Variants in CCDC88A observed in about 807,000 individuals in gnomAD.
CCDC88A encodes coiled-coil and HOOK domain protein 88A.
A neutral mutation model predicts 234.3 loss-of-function variants in CCDC88A; 54 were observed. That is an observed-to-expected ratio of 0.23 (90% CI 0.19 to 0.29). The LOEUF is 0.29. Among genes scored for constraint, CCDC88A ranks in the 10% least tolerant of loss-of-function variants. The pLI is 1.00. For missense variants in CCDC88A, 1,832 were observed against 2,123.4 expected, an observed-to-expected ratio of 0.86 and a Z score of 2.70; for synonymous variants, 753 against 737.8, an observed-to-expected ratio of 1.02 and a Z score of -0.33.
At chr2:55,353,650 A>C (rs1250368147) in intron 8 of CCDC88A, among the ~76,000 whole-genome samples, 1 of 41,028 alleles carries the variant, frequency 2.4e-5, no homozygotes, top group African/African-American at 2.5e-4. Flanking sequence ...AAACCAAACC[A>C]AAAAAAAAAA....
At position 55,317,856 on chromosome 2, in the gene CCDC88A, A is replaced by G; in HGVS notation, c.3325-15T>C. ...GAATTTTCAACCTATAAGAATATAT[A>G]TTGTTATCAGACATAAGAAAAACAG... On this transcript the variant is annotated splice_polypyrimidine_tract_variant and intron_variant, in intron 19 of 32. Transcript: ENST00000436346. The surrounding 1 kb of genome is among the most constrained non-coding windows in gnomAD (Gnocchi z 4.2). 1 of 1,534,432 alleles carries G rather than the reference A, an allele frequency of 6.5e-7. No homozygotes were observed. Among genetic ancestry groups the G allele is most frequent in the Non-Finnish European group, 8.9e-7 (1 of 1,128,364 alleles).
At position 55,332,461 on chromosome 2, in the gene CCDC88A, G is replaced by T; in HGVS notation, c.2855+105C>A. Reference sequence around the variant, plus strand: ...AAGGGAAGGAAGGAACCAGAAATAGGGTGAAATATATAAATGTTTTCTATA... The same window carrying T: ...AAGGGAAGGAAGGAACCAGAAATAGTGTGAAATATATAAATGTTTTCTATA... On this transcript the variant is annotated intron_variant, in intron 16 of 32. Coordinates refer to ENST00000436346, the MANE Select transcript of CCDC88A (RefSeq NM_001365480.1). The surrounding 1 kb of genome is among the most constrained non-coding windows in gnomAD (Gnocchi z 4.5). 6.9e-7 allele frequency: 1 copy of T among 1,449,916 alleles called. No homozygotes were observed. The allele number at this position is 1,449,916 out of a possible 1,614,324, so 89.8% of individuals were successfully genotyped here. A position where few individuals can be genotyped will look rare whatever the true frequency, so the allele number is the denominator to read the frequency against.
chr2:55,308,564 C>T (rs928841707), intron 25 of CCDC88A: 5 of 419,434 alleles, frequency 1.2e-5, no homozygotes, highest in African/African-American at 8.1e-5. Context: ...GGTATTCCAG[C>T]TCTTATTTTA....
intron 2 of CCDC88A, among the ~76,000 whole-genome samples, chr2:55,415,308 T>A (rs184440126): frequency 2.7e-4 from 41 of 152,042 alleles, no homozygotes; most frequent in African/African-American, 9.4e-4. Flanking sequence ...GACCCCATCT[T>A]GAAAAACAAA....
At chr2:55,354,072 T>A (rs1179936802) in intron 8 of CCDC88A, among the ~76,000 whole-genome samples, 2 of 152,206 alleles carry the variant, frequency 1.3e-5, no homozygotes, top group Non-Finnish European at 2.9e-5. Context: ...GGTTAAGTAT[T>A]TGTGTTTTTA....
At chr2:55,398,760 A>T (rs1678062977) in intron 2 of CCDC88A, among the ~76,000 whole-genome samples, 1 of 152,050 alleles carries the variant, frequency 6.6e-6, no homozygotes, top group Non-Finnish European at 1.5e-5. Context: ...AAAAAAATTT[A>T]AAAATGAGGC....
chr2:55,345,295 A>T lies in CCDC88A; in HGVS notation c.1042-781T>A, dbSNP rs2043715. The T allele has an allele frequency of 2.0e-4, 30 of 152,262 alleles. No homozygotes were observed. The South Asian group carries it at 2.9e-3, about 15-fold the overall frequency. The allele number at this position is 152,262 out of a possible 1,614,324, so 9.4% of individuals were successfully genotyped here. ...CTTTCTCTTATGTTTTCGTTTCTTGATTTTGTATACTCCCTCCTTCTTATC... is the reference window on the plus strand; with the variant it reads ...CTTTCTCTTATGTTTTCGTTTCTTGTTTTTGTATACTCCCTCCTTCTTATC... On this transcript the variant is annotated intron_variant, in intron 10 of 32. Coordinates refer to ENST00000436346, the MANE Select transcript of CCDC88A (RefSeq NM_001365480.1).
chr2:55,360,030 T>TATCTTCATC, intron 7 of CCDC88A, among the ~76,000 whole-genome samples: 1 of 152,264 alleles, frequency 6.6e-6, no homozygotes, highest in South Asian at 2.1e-4. Context: ...GGGGCTCAAG[T>TATCTTCATC]ATCTTCATCT....
At chr2:55,368,628 T>C (rs921812533) in intron 5 of CCDC88A, among the ~76,000 whole-genome samples, 1 of 152,106 alleles carries the variant, frequency 6.6e-6, no homozygotes, top group Non-Finnish European at 1.5e-5. Flanking sequence ...CCAGCCCTAT[T>C]TCTTTTCATG....
chr2:55,346,564 C>T, intron 9 of CCDC88A, among the ~76,000 whole-genome samples: 1 of 151,966 alleles, frequency 6.6e-6, no homozygotes, highest in East Asian at 1.9e-4. Context: ...GGATTAAAAG[C>T]TCCCCCCACC....
At chr2:55,354,058 C>A (rs1429227944) in intron 8 of CCDC88A, among the ~76,000 whole-genome samples, 1 of 151,526 alleles carries the variant, frequency 6.6e-6, no homozygotes, top group Non-Finnish European at 1.5e-5. Context: ...AACTGTAACA[C>A]AATGGTTAAG....
At chr2:55,406,293 T>C (rs1451776509) in intron 2 of CCDC88A, 1 of 152,192 alleles carries the variant, frequency 6.6e-6, no homozygotes, top group African/African-American at 2.4e-5. Context: ...CCTTCAAATA[T>C]GAGAAAACTC....
chr2:55,296,172 C>CAAA (rs140112269), intron 30 of CCDC88A, 86 bp downstream of exon 30: 46,719 of 1,195,956 alleles, frequency 0.039, 257 homozygotes, highest in Non-Finnish European at 0.046. Context: ...CCTTAACTTA[C>CAAA]CAAAAAAAAA....
At chr2:55,297,284 A>T (rs375399381) in intron 29 of CCDC88A, 1 of 97,816 alleles carries the variant, frequency 1.0e-5, no homozygotes, top group Non-Finnish European at 1.9e-5. Flanking sequence ...TATTATATAT[A>T]ATATATATAA....
At chr2:55,382,947 ATGT>A (rs1674829059) in intron 3 of CCDC88A, among the ~76,000 whole-genome samples, 1 of 152,158 alleles carries the variant, frequency 6.6e-6, no homozygotes, top group Non-Finnish European at 1.5e-5. Context: ...GGGACATGGT[ATGT>A]CCTATGCACC....
chr2:55,342,102 G>C (rs765241328), intron 12 of CCDC88A, among the ~76,000 whole-genome samples: 1 of 152,028 alleles, frequency 6.6e-6, no homozygotes, highest in South Asian at 2.1e-4. Flanking sequence ...CACACTGGCA[G>C]TTAAAAAACT....
chr2:55,382,582 G>T (rs1435414022), intron 3 of CCDC88A, among the ~76,000 whole-genome samples: 2 of 151,860 alleles, frequency 1.3e-5, no homozygotes, highest in African/African-American at 4.8e-5. Flanking sequence ...TTATTCACAG[G>T]GCTAAAAATA....
At chr2:55,319,430 C>A (rs529810420) in intron 18 of CCDC88A, among the ~76,000 whole-genome samples, 1 of 152,184 alleles carries the variant, frequency 6.6e-6, no homozygotes, top group South Asian at 2.1e-4. Context: ...CAAATATATA[C>A]CTAAGTGAGT....
intron 10 of CCDC88A, chr2:55,345,882 T>G (rs1000153934): frequency 4.7e-6 from 1 of 213,326 alleles, no homozygotes; most frequent in African/African-American, 2.3e-5. Context: ...GAAATAGAAG[T>G]AAATATTTTG....
Sources: gnomAD v4.1 joint callset for allele counts (sites outside exome capture counted in the v4.1 genomes callset) on GRCh38, gnomAD v4.1.1 for gene constraint, Gnocchi (gnomAD v3.1) non-coding constraint, MANE v1.5 for transcripts, NCBI Gene and HGNC (gene_info 2026-07-23, HGNC 2026-07-21) for gene names.